Variants in ANLN observed in about 807,000 individuals in gnomAD.
ANLN encodes anillin, actin binding protein, also known as anillin.
Under a neutral mutation model 135.1 loss-of-function variants are expected in ANLN, and 59 were observed. That is an observed-to-expected ratio of 0.44 (90% CI 0.35 to 0.54). The LOEUF (loss-of-function observed/expected upper bound fraction) is 0.54, where lower values mean the gene tolerates loss of function less well. ANLN is among the 20% of genes least tolerant of loss of function. ANLN has a pLI of 0.00. For synonymous variants in ANLN, 406 were observed against 456.4 expected (o/e 0.89, Z 1.41); for missense variants, 1,182 against 1,340.0 (o/e 0.88, Z 1.84).
Position 36,420,336 on chromosome 7 carries a change from A to G in ANLN, c.2015+22A>G, listed in dbSNP as rs565538567. The G allele has an allele frequency of 2.5e-5, 41 of 1,612,308 alleles. No homozygotes were observed. The East Asian group carries it at 8.7e-4, about 34-fold the overall frequency. ...ACAGGTAAGAACATTTCTGGAAGGC[A>G]TTCACTCACTAAGGGTCATGGTTTA... On this transcript the variant is annotated intron_variant, in intron 11 of 23. Transcript: ENST00000265748.
At chr7:36,399,502 A>G in intron 3 of ANLN, 109 bp downstream of exon 3, 1 of 1,024,966 alleles carries the variant, frequency 9.8e-7, no homozygotes, top group East Asian at 2.7e-5. Flanking sequence ...CTTTTGTTTT[A>G]TCTATATGTT....
intron 3 of ANLN, among the ~76,000 whole-genome samples, chr7:36,403,952 G>T (rs570174951): frequency 6.6e-6 from 1 of 152,020 alleles, no homozygotes; most frequent in Non-Finnish European, 1.5e-5. Context: ...TGAGCCCACC[G>T]CTCCTTGCCG....
At chr7:36,394,340 G>C (rs567230108) in intron 1 of ANLN, among the ~76,000 whole-genome samples, 1 of 152,092 alleles carries the variant, frequency 6.6e-6, no homozygotes, top group Non-Finnish European at 1.5e-5. Flanking sequence ...CTGAGAACTC[G>C]GTTTTTAAGG....
intron 3 of ANLN, among the ~76,000 whole-genome samples, chr7:36,400,686 A>C (rs1786909118): frequency 6.6e-6 from 1 of 152,172 alleles, no homozygotes; most frequent in African/African-American, 2.4e-5. Context: ...AAAGTGAGCT[A>C]GCATAGTGCA....
At chr7:36,406,682 A>G in intron 4 of ANLN, 116 bp downstream of exon 4, 3 of 987,724 alleles carry the variant, frequency 3.0e-6, no homozygotes, top group Non-Finnish European at 4.2e-6. Context: ...TAATAGATGC[A>G]TAGTGAGTTT....
intron 2 of ANLN, among the ~76,000 whole-genome samples, chr7:36,398,666 A>G (rs1381535897): frequency 6.6e-6 from 1 of 152,134 alleles, no homozygotes; most frequent in Non-Finnish European, 1.5e-5. Context: ...ATTTGGTTAC[A>G]TGAGTAAGTT....
intron 2 of ANLN, among the ~76,000 whole-genome samples, chr7:36,398,465 T>C (rs1341392995): frequency 6.6e-6 from 1 of 152,240 alleles, no homozygotes; most frequent in East Asian, 1.9e-4. Flanking sequence ...GCTTGATTTT[T>C]CTTATCTGAA....
At chr7:36,394,991 A>G (rs974585970) in intron 1 of ANLN, among the ~76,000 whole-genome samples, 1 of 152,240 alleles carries the variant, frequency 6.6e-6, no homozygotes, top group Admixed American at 6.5e-5. Context: ...ATATGTTAAT[A>G]TTTAGTTAAA....
intron 20 of ANLN, among the ~76,000 whole-genome samples, chr7:36,432,114 C>G (rs12667536): frequency 0.23 from 35,549 of 152,008 alleles, 4,298 homozygotes; most frequent in East Asian, 0.42. Flanking sequence ...CCTAGCTATT[C>G]AGAAGGCTGA....
chr7:36,440,812 A>G (rs1256557036), intron 21 of ANLN, among the ~76,000 whole-genome samples: 1 of 152,196 alleles, frequency 6.6e-6, no homozygotes, highest in Non-Finnish European at 1.5e-5. Flanking sequence ...TGTAGAATGC[A>G]TAGAAGATTG....
At chr7:36,446,951 T>C (rs574898440) in intron 22 of ANLN, among the ~76,000 whole-genome samples, 51 of 152,308 alleles carry the variant, frequency 3.3e-4, no homozygotes, top group African/African-American at 1.2e-3. Context: ...TCCTAACTTA[T>C]GGAGTAATGT....
intron 20 of ANLN, among the ~76,000 whole-genome samples, chr7:36,430,589 G>GGAAATA (rs1788273641): frequency 6.6e-6 from 1 of 152,102 alleles, no homozygotes; most frequent in East Asian, 1.9e-4. Context: ...ATACCTTTTA[G>GGAAATA]GAAATAGAAA....
At chr7:36,414,615 AG>A (rs912739809) in intron 7 of ANLN, among the ~76,000 whole-genome samples, 2 of 152,202 alleles carry the variant, frequency 1.3e-5, no homozygotes, top group African/African-American at 2.4e-5. Context: ...TAGGAAGAAT[AG>A]GGGGTAGTAT....
intron 22 of ANLN, among the ~76,000 whole-genome samples, chr7:36,445,200 A>ATTTTTTTTTTTTTTTTTTTTT: frequency 1.3e-5 from 1 of 76,404 alleles, no homozygotes; most frequent in Non-Finnish European, 2.5e-5. Context: ...AGATTTTGGA[A>ATTTTTTTTTTTTTTTTTTTTT]TATTTGCATT....
At chr7:36,403,920 C>T (rs570721789) in intron 3 of ANLN, among the ~76,000 whole-genome samples, 35 of 152,296 alleles carry the variant, frequency 2.3e-4, no homozygotes, top group Admixed American at 3.9e-4. Context: ...CTTGGCCTCC[C>T]AAAGTGGTGG....
At chr7:36,421,072 CT>C (rs70977139) in intron 12 of ANLN, among the ~76,000 whole-genome samples, 57 of 145,504 alleles carry the variant, frequency 3.9e-4, no homozygotes, top group East Asian at 4.0e-4. Context: ...GCTAAGGAAG[CT>C]TTTTTTTTTT....
chr7:36,417,866 G>C (rs906451245), intron 9 of ANLN, among the ~76,000 whole-genome samples: 1 of 151,746 alleles, frequency 6.6e-6, no homozygotes, highest in African/African-American at 2.4e-5. Context: ...TAGTAGAGAG[G>C]GGGTTTCACC....
chr7:36,452,367 G>A (rs1583669337), intron 23 of ANLN, 110 bp from the exon 24 acceptor site: 2 of 1,404,388 alleles, frequency 1.4e-6, no homozygotes, highest in Non-Finnish European at 2.0e-6. Flanking sequence ...GGTGGTTAAA[G>A]GTAATTCATT....
intron 3 of ANLN, 73 bp from the exon 4 acceptor site, chr7:36,406,108 G>T: frequency 7.0e-7 from 1 of 1,432,212 alleles, no homozygotes; most frequent in Admixed American, 2.2e-5. Flanking sequence ...ATTCAGCATA[G>T]AGTGATCCTG....
Sources: allele counts gnomAD v4.1 joint callset (sites outside exome capture counted in the v4.1 genomes callset), GRCh38; gene constraint gnomAD v4.1.1; transcripts MANE v1.5; gene names NCBI Gene and HGNC (gene_info 2026-07-23, HGNC 2026-07-21).